Variants in GABPA observed in about 807,000 individuals in gnomAD.
GABPA encodes the protein GA-binding protein alpha chain.
GABPA carries 4 observed loss-of-function variants against 59.4 expected under a neutral mutation model. The observed-to-expected ratio is 0.07, with a 90% CI of 0.03 to 0.15. The LOEUF is 0.15. Ranked by LOEUF, GABPA falls within the 10% of genes least tolerant of loss-of-function variation. The pLI is 1.00. For synonymous variants in GABPA, 164 were observed against 183.1 expected (o/e 0.90, Z 0.84); for missense variants, 251 against 543.8 (o/e 0.46, Z 5.36).
Position 25,770,204 on chromosome 21 carries a change from T to A in GABPA, c.*972T>A, listed in dbSNP as rs2035982096. ...CTTTACCTTTCAAGGCATTAGTAAA[T>A]TACTTGCAAATAGTTTTAAAAGGAA... On this transcript the variant is annotated 3_prime_UTR_variant, in exon 10 of 10. Transcript: ENST00000400075. The A allele has an allele frequency of 6.6e-6, 1 of 152,414 alleles. No homozygotes were observed. Among genetic ancestry groups the A allele is most frequent in the Non-Finnish European group, 1.5e-5 (1 of 67,968 alleles). 9.4% of individuals were successfully genotyped at this position (152,414 alleles called of 1,614,324 possible). A position where few individuals can be genotyped will look rare whatever the true frequency, so the allele number is the denominator to read the frequency against.
chr21:25,754,475 A>G (rs1159663885), intron 5 of GABPA, among the ~76,000 whole-genome samples: 2 of 151,614 alleles, frequency 1.3e-5, no homozygotes, highest in African/African-American at 2.4e-5. Context: ...TTTCTGCCAG[A>G]TTTTCTTGTG....
intron 3 of GABPA, among the ~76,000 whole-genome samples, chr21:25,748,448 A>G (rs767260962): frequency 3.3e-5 from 5 of 152,206 alleles, no homozygotes; most frequent in South Asian, 2.1e-4. Context: ...ATAGTGTGAA[A>G]TGCATTCTAT....
intron 4 of GABPA, among the ~76,000 whole-genome samples, chr21:25,750,666 C>T (rs1226167000): frequency 6.6e-6 from 1 of 152,122 alleles, no homozygotes. Flanking sequence ...GTTTCACAAA[C>T]CACATTTTTC....
intron 9 of GABPA, 128 bp downstream of exon 9, chr21:25,764,915 C>A: frequency 3.3e-6 from 2 of 610,942 alleles, no homozygotes; most frequent in Middle Eastern, 4.4e-4. Flanking sequence ...TTTTTCTTTA[C>A]ATATTAAAAA....
chr21:25,749,146 T>C, intron 4 of GABPA, 26 bp downstream of exon 4: 2 of 1,321,104 alleles, frequency 1.5e-6, no homozygotes, highest in Non-Finnish European at 2.2e-6. Context: ...TGATAGTTAT[T>C]TAAAATTTTA....
chr21:25,763,013 C>A, intron 7 of GABPA: 1 of 385,926 alleles, frequency 2.6e-6, no homozygotes. Flanking sequence ...GCTTTGCCTT[C>A]AGCTTTATTC....
rs372551771 is a variant in GABPA at position 25,751,975 on chromosome 21, T to A, written c.308-14T>A. 502 of 1,603,336 alleles carry A rather than the reference T, an allele frequency of 3.1e-4. No homozygotes were observed. The highest frequency in any genetic ancestry group is 2.1e-3 in the Admixed American group (122 of 59,188). On this transcript the variant is annotated splice_polypyrimidine_tract_variant and intron_variant, in intron 4 of 9. Transcript: ENST00000400075. Reference sequence around the variant, plus strand: ...TTCATTTAGATTTACAATTTTTTTTTATCCACTGTTCAGGAATTGAACCAA... The same window carrying A: ...TTCATTTAGATTTACAATTTTTTTTAATCCACTGTTCAGGAATTGAACCAA...
At chr21:25,766,079 A>C (rs949111647) in intron 9 of GABPA, among the ~76,000 whole-genome samples, 4 of 152,052 alleles carry the variant, frequency 2.6e-5, no homozygotes, top group Admixed American at 2.6e-4. Context: ...TCTCAAGACA[A>C]ATAGGCCATA....
At chr21:25,762,176 A>G in intron 6 of GABPA, 136 bp from the exon 7 acceptor site, 1 of 510,128 alleles carries the variant, frequency 2.0e-6, no homozygotes, top group Non-Finnish European at 3.5e-6. Flanking sequence ...TATGCCAGTA[A>G]GTTTCAGTTC....
chr21:25,742,953 A>G (rs550898959), intron 2 of GABPA, among the ~76,000 whole-genome samples: 29 of 151,944 alleles, frequency 1.9e-4, no homozygotes, highest in African/African-American at 6.5e-4. Context: ...AAAAAGCCCA[A>G]CATTTTTTAT....
At chr21:25,758,291 GATA>G (rs1312227515) in intron 6 of GABPA, 87 bp downstream of exon 6, 1 of 913,538 alleles carries the variant, frequency 1.1e-6, no homozygotes, top group Non-Finnish European at 1.6e-6. Flanking sequence ...GTTGTTTATT[GATA>G]ATGATAAGTA....
In GABPA at chr21:25,770,079, C is replaced by T. The variant is rs1211415426; in HGVS notation, c.*847C>T. 2 of 152,630 alleles carry T rather than the reference C, an allele frequency of 1.3e-5. No individual in the cohort carries two copies. Among genetic ancestry groups the T allele is most frequent in the East Asian group, 3.9e-4 (2 of 5,186 alleles). 9.5% of individuals were successfully genotyped at this position (152,630 alleles called of 1,614,324 possible). A position where few individuals can be genotyped will look rare whatever the true frequency, so the allele number is the denominator to read the frequency against. On this transcript the variant is annotated 3_prime_UTR_variant, in exon 10 of 10. Transcript: ENST00000400075. ...GGTTTGTTTTGGTTTGTTATGGCTT[C>T]CTTTTTTAAAAAATTACCCTGTAGT...
At chr21:25,740,451 G>A (rs911892834) in intron 1 of GABPA, among the ~76,000 whole-genome samples, 4 of 152,166 alleles carry the variant, frequency 2.6e-5, no homozygotes, top group Admixed American at 1.3e-4. Context: ...CTGAAAGTGC[G>A]TATGGAATTC....
At chr21:25,743,127 A>G (rs1157066373) in intron 2 of GABPA, among the ~76,000 whole-genome samples, 2 of 152,164 alleles carry the variant, frequency 1.3e-5, no homozygotes, top group African/African-American at 4.8e-5. Context: ...GACTCTCAGC[A>G]AGATGCCTCA....
chr21:25,739,099 G>C (rs2081693026), intron 1 of GABPA, among the ~76,000 whole-genome samples: 1 of 152,194 alleles, frequency 6.6e-6, no homozygotes, highest in Non-Finnish European at 1.5e-5. Context: ...CATCCCAGTG[G>C]AGAACCTTAC....
intron 1 of GABPA, among the ~76,000 whole-genome samples, chr21:25,736,680 C>G (rs951932947): frequency 6.6e-6 from 1 of 152,120 alleles, no homozygotes; most frequent in African/African-American, 2.4e-5. Context: ...TTAGCCTTCC[C>G]TCAACTCTTT....
intron 7 of GABPA, among the ~76,000 whole-genome samples, chr21:25,762,640 G>GT (rs1311777315): frequency 6.6e-6 from 1 of 152,138 alleles, no homozygotes; most frequent in Non-Finnish European, 1.5e-5. Flanking sequence ...TAATTACCAA[G>GT]TTGTAAGAAC....
At position 25,758,089 on chromosome 21, in the gene GABPA, C is replaced by T; in HGVS notation, c.633C>T (p.Asp211=). The change falls in exon 6 of 10, where the codon GAC becomes GAT. Residue 211 remains aspartate, a synonymous_variant. Transcript: ENST00000400075. The part of the protein sequence containing the change: ...VMKEFSMTDI[D]LTTLNISGRE... The stretch of plus-strand genomic sequence containing the variant: ...AGGAATTCAGCATGACCGATATAGA[C>T]CTCACCACACTCAACATTTCGGGGA... The T allele has an allele frequency of 1.2e-6, 2 of 1,609,844 alleles. No individual in the cohort carries two copies. Among genetic ancestry groups the T allele is most frequent in the Non-Finnish European group, 1.7e-6 (2 of 1,177,852 alleles).
intron 1 of GABPA, among the ~76,000 whole-genome samples, chr21:25,737,635 C>T (rs975547186): frequency 6.6e-6 from 1 of 152,190 alleles, no homozygotes; most frequent in African/African-American, 2.4e-5. Flanking sequence ...CCAGGTGTCC[C>T]TGCTGATACG....
Sources: gnomAD v4.1 joint callset for allele counts (sites outside exome capture counted in the v4.1 genomes callset) on GRCh38, gnomAD v4.1.1 for gene constraint, MANE v1.5 for transcripts, NCBI Gene and HGNC (gene_info 2026-07-23, HGNC 2026-07-21) for gene names.